Variants in STIM1 observed in about 807,000 individuals in gnomAD.
The protein encoded by STIM1 is stromal interaction molecule 1.
Under a neutral mutation model 74.7 loss-of-function variants are expected in STIM1, and 25 were observed. The observed-to-expected ratio is 0.33, with a 90% CI of 0.24 to 0.47. STIM1 has a LOEUF of 0.47. STIM1 is among the 20% of genes least tolerant of loss of function. The pLI is 1.00. For missense variants in STIM1, 728 were observed against 920.8 expected, an observed-to-expected ratio of 0.79 and a Z score of 2.71; for synonymous variants, 328 against 348.8, an observed-to-expected ratio of 0.94 and a Z score of 0.66.
intron 1 of STIM1, among the ~76,000 whole-genome samples, chr11:3,877,520 T>C (rs917717828): frequency 6.6e-6 from 1 of 152,170 alleles, no homozygotes; most frequent in Non-Finnish European, 1.5e-5. Context: ...GCCAAATACC[T>C]CAATAATTGT....
intron 5 of STIM1, among the ~76,000 whole-genome samples, chr11:4,065,911 G>A (rs1040970424): frequency 1.3e-5 from 2 of 152,166 alleles, no homozygotes; most frequent in African/African-American, 4.8e-5. Context: ...TGTGTGAAGT[G>A]GACAGGGTGG....
At chr11:3,975,533 G>A (rs190718132) in intron 2 of STIM1, among the ~76,000 whole-genome samples, 4 of 152,308 alleles carry the variant, frequency 2.6e-5, no homozygotes, top group East Asian at 1.9e-4. Context: ...CAGGAGAATC[G>A]CTTGAAGCCG....
intron 1 of STIM1, among the ~76,000 whole-genome samples, chr11:3,873,511 C>T (rs957336761): frequency 7.3e-5 from 11 of 151,328 alleles, no homozygotes; most frequent in East Asian, 5.8e-4. Flanking sequence ...AAGCGATCCT[C>T]GCACCTCGGC....
chr11:4,070,577 A>G (rs1008273819), intron 6 of STIM1, among the ~76,000 whole-genome samples: 1 of 152,186 alleles, frequency 6.6e-6, no homozygotes, highest in South Asian at 2.1e-4. Flanking sequence ...TCCCCAAAGA[A>G]ACCTCAAAAC....
intron 2 of STIM1, among the ~76,000 whole-genome samples, chr11:3,978,938 C>T (rs1201143045): frequency 6.6e-6 from 1 of 152,156 alleles, no homozygotes; most frequent in African/African-American, 2.4e-5. Flanking sequence ...GCTCATGCTA[C>T]TAGTTCATGT....
At chr11:4,060,600 C>T (rs1424780144) in intron 5 of STIM1, among the ~76,000 whole-genome samples, 2 of 152,262 alleles carry the variant, frequency 1.3e-5, no homozygotes, top group Admixed American at 6.5e-5. Context: ...TTTTGAATAA[C>T]GACACAGTGA....
At chr11:4,033,635 G>A (rs927102537) in intron 3 of STIM1, among the ~76,000 whole-genome samples, 14 of 149,804 alleles carry the variant, frequency 9.3e-5, no homozygotes, top group Admixed American at 7.3e-4. Flanking sequence ...TCGCCCTGTC[G>A]CCTAGGCTGG....
At chr11:3,915,176 G>A (rs2092625050) in intron 1 of STIM1, among the ~76,000 whole-genome samples, 1 of 152,066 alleles carries the variant, frequency 6.6e-6, no homozygotes, top group Non-Finnish European at 1.5e-5. Context: ...TGAGATGTAT[G>A]ATTTGCAAAT....
At chr11:4,015,477 T>G (rs968426594) in intron 2 of STIM1, among the ~76,000 whole-genome samples, 1 of 152,196 alleles carries the variant, frequency 6.6e-6, no homozygotes, top group Non-Finnish European at 1.5e-5. Flanking sequence ...GCCCTTAACA[T>G]TTTTTCCTTC....
At chr11:3,913,831 A>G (rs891006436) in intron 1 of STIM1, among the ~76,000 whole-genome samples, 2 of 152,082 alleles carry the variant, frequency 1.3e-5, no homozygotes, top group Non-Finnish European at 2.9e-5. Flanking sequence ...AATAGGATTT[A>G]CCTATTTTGG....
chr11:4,086,352 C>T, intron 11 of STIM1, 125 bp from the exon 12 acceptor site: 1 of 1,078,176 alleles, frequency 9.3e-7, no homozygotes, highest in Non-Finnish European at 1.4e-6. Flanking sequence ...GGAGGTGCCC[C>T]ATTCTCCAGA....
chr11:3,977,714 C>A (rs1026056684), intron 2 of STIM1, among the ~76,000 whole-genome samples: 2 of 152,186 alleles, frequency 1.3e-5, no homozygotes, highest in Non-Finnish European at 2.9e-5. Flanking sequence ...TTGCCACTTA[C>A]TGGCTATACA....
intron 3 of STIM1, among the ~76,000 whole-genome samples, chr11:4,045,340 T>G (rs1211102042): frequency 6.6e-6 from 1 of 152,204 alleles, no homozygotes; most frequent in African/African-American, 2.4e-5. Flanking sequence ...CACTCTCTTA[T>G]GCCTTCATTA....
chr11:4,089,668 T>A (rs932517486), intron 12 of STIM1, among the ~76,000 whole-genome samples: 1 of 152,226 alleles, frequency 6.6e-6, no homozygotes, highest in Admixed American at 6.5e-5. Flanking sequence ...GGGTGGCTAC[T>A]TAGTTATTTG....
intron 11 of STIM1, 119 bp from the exon 12 acceptor site, chr11:4,086,357 TC>T: frequency 8.5e-7 from 1 of 1,173,442 alleles, no homozygotes; most frequent in Non-Finnish European, 1.2e-6. Context: ...TGCCCCATTC[TC>T]CAGATTGGCA....
chr11:4,075,198 G>T (rs1590692320), intron 7 of STIM1, among the ~76,000 whole-genome samples: 1 of 152,162 alleles, frequency 6.6e-6, no homozygotes, highest in Non-Finnish European at 1.5e-5. Flanking sequence ...TAGTCACTAT[G>T]ATTTTCAAAG....
At chr11:4,021,322 C>T (rs1019607942) in intron 2 of STIM1, among the ~76,000 whole-genome samples, 18 of 152,244 alleles carry the variant, frequency 1.2e-4, no homozygotes, top group Non-Finnish European at 2.2e-4. Flanking sequence ...GATGGGGTTT[C>T]GCCATGCTGG....
chr11:3,862,599 A>C (rs1460645765), intron 1 of STIM1, among the ~76,000 whole-genome samples: 21 of 152,156 alleles, frequency 1.4e-4, no homozygotes, highest in Non-Finnish European at 2.8e-4. Context: ...CATATTGGCC[A>C]TCACACCCGG....
chr11:3,991,700 G>A (rs2093612840), intron 2 of STIM1, among the ~76,000 whole-genome samples: 1 of 151,408 alleles, frequency 6.6e-6, no homozygotes, highest in Non-Finnish European at 1.5e-5. Context: ...TGTAATACCA[G>A]CACTTTGGGA....
Sources: gnomAD v4.1 joint callset for allele counts (sites outside exome capture counted in the v4.1 genomes callset) on GRCh38, gnomAD v4.1.1 for gene constraint, MANE v1.5 for transcripts, NCBI Gene and HGNC (gene_info 2026-07-23, HGNC 2026-07-21) for gene names.